ZNRF3: variants seen among roughly 807,000 people sequenced by gnomAD.
The protein encoded by ZNRF3 is E3 ubiquitin-protein ligase ZNRF3.
ZNRF3 carries 23 observed loss-of-function variants against 72.5 expected under a neutral mutation model. The ratio of observed to expected loss-of-function variants is 0.32; its 90% confidence interval spans 0.23 to 0.45. The LOEUF (loss-of-function observed/expected upper bound fraction) is 0.45, where lower values mean the gene tolerates loss of function less well. Ranked by LOEUF, ZNRF3 falls within the 20% of genes least tolerant of loss-of-function variation. The probability of loss-of-function intolerance (pLI) is 1.00; values close to 1 mark genes in which losing one functional copy is unlikely to be tolerated. For missense variants in ZNRF3, 1,169 were observed against 1,272.1 expected (o/e 0.92, Z 1.23); for synonymous variants, 610 against 545.3 (o/e 1.12, Z -1.65).
At chr22:28,923,381 TGGGGACACATTA>T (rs2034541843) in intron 1 of ZNRF3, among the ~76,000 whole-genome samples, 2 of 152,182 alleles carry the variant, frequency 1.3e-5, no homozygotes, top group Non-Finnish European at 2.9e-5. Flanking sequence ...GTGAGTGTCC[TGGGGACACATTA>T]GGAAAGTCAG....
chr22:28,937,203 ATATATATATATATTTTTTTTTTTT>A (rs1423011497), intron 1 of ZNRF3, among the ~76,000 whole-genome samples: 135 of 9,574 alleles, frequency 0.014, 1 homozygote, highest in Non-Finnish European at 0.023. Context: ...ATATATATAT[ATATATATATATATTTTTTTTTTTT>A]TTTTTTTTTT....
At position 28,883,988 on chromosome 22, in the gene ZNRF3, C is replaced by T. The variant is rs1374218213; in HGVS notation, c.222C>T (p.Tyr74=). The change falls in exon 1 of 9, where the codon TAC becomes TAT. Residue 74 remains tyrosine (Y), a synonymous_variant. Coordinates refer to ENST00000544604, the MANE Select transcript of ZNRF3 (RefSeq NM_001206998.2). This position sits in a 1 kb window ranked among gnomAD's most constrained non-coding sequence, Gnocchi z 5.5. ...TCGAGTCGAGCCCAAGCGGCGATTA[C>T]ACCACCTACACCACCGGCCTCACGG... ...VLFESSPSGD[Y]TTYTTGLTGR... is the part of the protein sequence containing the mutation. The T allele has an allele frequency of 7.6e-7, 1 of 1,323,178 alleles. No individual in the cohort carries two copies. The highest frequency in any genetic ancestry group is 9.8e-7 in the Non-Finnish European group (1 of 1,019,476). 82.0% of individuals were successfully genotyped at this position (1,323,178 alleles called of 1,614,324 possible).
chr22:28,975,126 G>A (rs1202010869), intron 1 of ZNRF3, among the ~76,000 whole-genome samples: 1 of 151,986 alleles, frequency 6.6e-6, no homozygotes, highest in Non-Finnish European at 1.5e-5. Flanking sequence ...ATCATATAAA[G>A]TTACTACTTT....
intron 2 of ZNRF3, among the ~76,000 whole-genome samples, chr22:29,009,643 G>C (rs1327896429): frequency 6.6e-6 from 1 of 152,056 alleles, no homozygotes; most frequent in African/African-American, 2.4e-5. Flanking sequence ...TAAAATCCAA[G>C]AAGATTTTTA....
rs746840425 is a variant in ZNRF3, at chr22:29,050,556, G to A, written c.2375G>A (p.Gly792Glu). 113 of 1,610,044 alleles carry A rather than the reference G, an allele frequency of 7.0e-5. No individual in the cohort carries two copies. Among genetic ancestry groups the A allele is most frequent in the Non-Finnish European group, 7.9e-5 (93 of 1,178,660 alleles). ...GAGAAGCAGGTGGCCCGCGGGGGCG[G>A]AGGGGGCAGCGGCTGCTACACTGAG... Reference protein sequence around the residue: ...YEEKQVARGGGGGSGCYTEDY... With the variant: ...YEEKQVARGGEGGSGCYTEDY... The change falls in exon 8 of 9, where the codon GGA becomes GAA. Residue 792 changes from glycine (G) to glutamate (E), a missense_variant. By Grantham distance (98) the Gly-to-Glu change is moderately conservative (BLOSUM62 -2). Coordinates refer to ENST00000544604, the MANE Select transcript of ZNRF3 (RefSeq NM_001206998.2).
chr22:28,958,602 T>A (rs999950285), intron 1 of ZNRF3, among the ~76,000 whole-genome samples: 1 of 152,166 alleles, frequency 6.6e-6, no homozygotes, highest in Non-Finnish European at 1.5e-5. Flanking sequence ...ACCTGAATTA[T>A]GAGTTGTAAA....
At chr22:29,026,325 A>T (rs1326469500) in intron 2 of ZNRF3, 1 of 152,094 alleles carries the variant, frequency 6.6e-6, no homozygotes, top group Non-Finnish European at 1.5e-5. Flanking sequence ...CCATCACTAA[A>T]ATTCCTTCTA....
At position 29,055,364 on chromosome 22, in the gene ZNRF3, C is replaced by A. The variant is rs1227947789; in HGVS notation, c.*1742C>A. On this transcript the variant is annotated 3_prime_UTR_variant, in exon 9 of 9. Coordinates refer to ENST00000544604, the MANE Select transcript of ZNRF3 (RefSeq NM_001206998.2). ...AGAATAGGAAACTTGAGACCTGGCC[C>A]CCTGTGGGTAGGAGAACAAGGACCA... 6.6e-6 allele frequency: 1 copy of A among 152,160 alleles called. No homozygotes were observed. Among genetic ancestry groups the A allele is most frequent in the Non-Finnish European group, 1.5e-5 (1 of 68,038 alleles). 9.4% of individuals were successfully genotyped at this position (152,160 alleles called of 1,614,324 possible). A position where few individuals can be genotyped will look rare whatever the true frequency, so the allele number is the denominator to read the frequency against.
chr22:29,037,987 TTAGGGA>T (rs1354016794), intron 2 of ZNRF3, among the ~76,000 whole-genome samples: 1 of 152,206 alleles, frequency 6.6e-6, no homozygotes, highest in African/African-American at 2.4e-5. Flanking sequence ...TGTGCACAGT[TTAGGGA>T]TAACGGCCCT....
chr22:28,929,068 C>T (rs981289389), intron 1 of ZNRF3, among the ~76,000 whole-genome samples: 1 of 152,168 alleles, frequency 6.6e-6, no homozygotes, highest in Non-Finnish European at 1.5e-5. Context: ...AAAAAGAACA[C>T]TGATCAAGAC....
chr22:28,908,428 G>A (rs1366134250), intron 1 of ZNRF3, among the ~76,000 whole-genome samples: 2 of 152,168 alleles, frequency 1.3e-5, no homozygotes, highest in Non-Finnish European at 2.9e-5. Flanking sequence ...GTTGGGCCGT[G>A]TGCAAGTCTC....
chr22:28,977,119 G>T (rs1194846510), intron 1 of ZNRF3, among the ~76,000 whole-genome samples: 1 of 152,148 alleles, frequency 6.6e-6, no homozygotes, highest in East Asian at 1.9e-4. Flanking sequence ...GCTCTTTTTG[G>T]TTTTTCTCAA....
chr22:28,938,187 A>C (rs2034876050), intron 1 of ZNRF3, among the ~76,000 whole-genome samples: 1 of 152,136 alleles, frequency 6.6e-6, no homozygotes, highest in Non-Finnish European at 1.5e-5. Context: ...ATACACATGT[A>C]ATTATGCACA....
At chr22:29,044,301 A>G (rs1221023209) in intron 4 of ZNRF3, among the ~76,000 whole-genome samples, 2 of 152,210 alleles carry the variant, frequency 1.3e-5, no homozygotes, top group Non-Finnish European at 2.9e-5. Context: ...GGAAAAAAAA[A>G]AGCGCTTTGG....
intron 1 of ZNRF3, among the ~76,000 whole-genome samples, chr22:28,953,316 C>T (rs1215338615): frequency 6.6e-6 from 1 of 152,192 alleles, no homozygotes; most frequent in East Asian, 1.9e-4. Context: ...TTGAGGAGTA[C>T]TCGGCCAACT....
intron 1 of ZNRF3, among the ~76,000 whole-genome samples, chr22:28,958,080 C>T (rs1201815182): frequency 2.0e-5 from 3 of 152,128 alleles, no homozygotes; most frequent in East Asian, 2.0e-4. Context: ...CCCAGCTACT[C>T]GGGAGGCTGA....
intron 8 of ZNRF3, among the ~76,000 whole-genome samples, chr22:29,052,164 A>G (rs988571861): frequency 2.6e-5 from 4 of 152,184 alleles, no homozygotes; most frequent in African/African-American, 9.7e-5. Context: ...TAGCACTGCA[A>G]CAAGATCTAC....
intron 2 of ZNRF3, among the ~76,000 whole-genome samples, chr22:29,009,291 A>G (rs59979577): frequency 1.3e-5 from 2 of 152,220 alleles, no homozygotes; most frequent in African/African-American, 2.4e-5. Context: ...CAGAAATAAC[A>G]TGTGGCGTAT....
At chr22:28,898,348 A>G (rs2034038832) in intron 1 of ZNRF3, among the ~76,000 whole-genome samples, 1 of 152,222 alleles carries the variant, frequency 6.6e-6, no homozygotes, top group Admixed American at 6.5e-5. Context: ...TAGTTGGGAT[A>G]GTCCAGACTC....
Sources: allele counts gnomAD v4.1 joint callset (sites outside exome capture counted in the v4.1 genomes callset), GRCh38; gene constraint gnomAD v4.1.1; non-coding constraint Gnocchi (gnomAD v3.1); transcripts MANE v1.5; gene names NCBI Gene and HGNC (gene_info 2026-07-23, HGNC 2026-07-21).